TBC1D30: variants seen among roughly 807,000 people sequenced by gnomAD.
TBC1D30 encodes TBC1 domain family member 30, also known as TBC1 domain family, member 30.
TBC1D30 carries 31 observed loss-of-function variants against 63.2 expected under a neutral mutation model. The observed-to-expected ratio is 0.49, with a 90% CI of 0.37 to 0.66. The LOEUF is 0.66. Ranked by LOEUF, TBC1D30 falls within the 30% of genes least tolerant of loss-of-function variation. The pLI is 0.00. For missense variants in TBC1D30, 810 were observed against 953.6 expected (o/e 0.85, Z 1.98); for synonymous variants, 307 against 361.5 (o/e 0.85, Z 1.71).
At position 64,865,334 on chromosome 12, in the gene TBC1D30, A is replaced by T. The variant is rs552199524; in HGVS notation, c.1151+554A>T. On this transcript the variant is annotated intron_variant, in intron 9 of 11. Transcript: ENST00000539867. Reference sequence around the variant, plus strand: ...AAATTAGCATAAGAAAATGTGGAAGAATTCCTTTAGTTCTTTGGAATTGGA... The same window carrying T: ...AAATTAGCATAAGAAAATGTGGAAGTATTCCTTTAGTTCTTTGGAATTGGA... Among the ~76,000 whole-genome samples, 3 of 151,208 alleles carry T rather than the reference A, an allele frequency of 2.0e-5. No homozygotes were observed. The East Asian group carries it at 5.8e-4, about 29-fold the overall frequency.
At chr12:64,795,507 G>C (rs1246921046) in intron 2 of TBC1D30, among the ~76,000 whole-genome samples, 1 of 152,128 alleles carries the variant, frequency 6.6e-6, no homozygotes, top group Non-Finnish European at 1.5e-5. Context: ...CTTCTCAACA[G>C]CCTTCTCCCC....
In TBC1D30 at chr12:64,845,953, C is replaced by T. The variant is rs540033047; in HGVS notation, c.1038+2468C>T. On this transcript the variant is annotated intron_variant, in intron 8 of 11. Coordinates refer to ENST00000539867, the MANE Select transcript of TBC1D30 (RefSeq NM_015279.2). ...TGCTGGGATTATAGGCGTGAGCCAC[C>T]GTGCCTGGCCTTGAGCACCTTTTCA... is the stretch of plus-strand genomic sequence containing the variant. Among the ~76,000 whole-genome samples, 20 of 152,240 alleles carry T rather than the reference C, an allele frequency of 1.3e-4. 1 individual carries two copies. The highest frequency in any genetic ancestry group is 2.9e-4 in the African/African-American group (12 of 41,556).
At chr12:64,763,216 A>G (rs952450790) in intron 1 of TBC1D30, among the ~76,000 whole-genome samples, 4 of 152,204 alleles carry the variant, frequency 2.6e-5, no homozygotes, top group African/African-American at 9.7e-5. Flanking sequence ...TCAGCCTCCC[A>G]AAGTGCTGGG....
At chr12:64,802,471 C>T (rs917074662) in intron 2 of TBC1D30, among the ~76,000 whole-genome samples, 2 of 152,002 alleles carry the variant, frequency 1.3e-5, no homozygotes, top group African/African-American at 2.4e-5. Flanking sequence ...TCTCTGATCC[C>T]CACCAATTTT....
chr12:64,826,881 T>C (rs1327847256), intron 1 of TBC1D30, among the ~76,000 whole-genome samples: 1 of 152,112 alleles, frequency 6.6e-6, no homozygotes, highest in Admixed American at 6.5e-5. Flanking sequence ...ATCAGATACA[T>C]CTCTTTCCAG....
At chr12:64,839,439 C>T (rs919301417) in intron 7 of TBC1D30, among the ~76,000 whole-genome samples, 39 of 152,164 alleles carry the variant, frequency 2.6e-4, no homozygotes, top group African/African-American at 9.2e-4. Flanking sequence ...TTTTCATTCA[C>T]CTTTGATATA....
chr12:64,835,858 G>A (rs1217889285), intron 5 of TBC1D30, among the ~76,000 whole-genome samples: 1 of 152,112 alleles, frequency 6.6e-6, no homozygotes, highest in African/African-American at 2.4e-5. Context: ...TTTAGGAAAG[G>A]TAATACAAGT....
At chr12:64,857,713 G>T (rs1378135677) in intron 8 of TBC1D30, among the ~76,000 whole-genome samples, 3 of 152,214 alleles carry the variant, frequency 2.0e-5, no homozygotes, top group African/African-American at 7.2e-5. Context: ...GGTTTACCTA[G>T]GACCCCAGAG....
chr12:64,845,116 T>C (rs535458758), intron 8 of TBC1D30, among the ~76,000 whole-genome samples: 1 of 152,376 alleles, frequency 6.6e-6, no homozygotes, highest in Admixed American at 6.5e-5. Context: ...TGATTTCCTT[T>C]CTTTTGGGCT....
At position 64,866,914 on chromosome 12, in the gene TBC1D30, G is replaced by A. The variant is rs2136465110; in HGVS notation, c.1291+11G>A. 6.5e-7 allele frequency: 1 copy of A among 1,535,606 alleles called. No homozygotes were observed. The highest frequency in any genetic ancestry group is 1.2e-5 in the South Asian group (1 of 83,964). On this transcript the variant is annotated intron_variant, in intron 10 of 11. Coordinates refer to ENST00000539867, the MANE Select transcript of TBC1D30 (RefSeq NM_015279.2). ...AAAAACAAATTAAAGGTAAAGAGGT[G>A]GCTCTTGATTTAGATTATCATGATG...
At chr12:64,806,713 GAT>G (rs1872894430) in intron 2 of TBC1D30, among the ~76,000 whole-genome samples, 1 of 152,194 alleles carries the variant, frequency 6.6e-6, no homozygotes, top group Admixed American at 6.5e-5. Flanking sequence ...GTCTCAAAGA[GAT>G]ATTTGCACAT....
intron 8 of TBC1D30, among the ~76,000 whole-genome samples, chr12:64,856,202 C>T (rs1877285963): frequency 6.6e-6 from 1 of 152,188 alleles, no homozygotes; most frequent in South Asian, 2.1e-4. Flanking sequence ...TTTTAAACAA[C>T]CAGATCTTAT....
At chr12:64,825,304 TGCTCG>T in intron 1 of TBC1D30, 1 of 413,500 alleles carries the variant, frequency 2.4e-6, no homozygotes, top group South Asian at 5.0e-5. Context: ...GCGGCCTGTG[TGCTCG>T]GCTTTCTCCG....
intron 2 of TBC1D30, among the ~76,000 whole-genome samples, chr12:64,810,081 A>G (rs1332059010): frequency 6.6e-6 from 1 of 151,766 alleles, no homozygotes; most frequent in Non-Finnish European, 1.5e-5. Flanking sequence ...CTCTCCCTCC[A>G]CCCTGCTCCA....
At chr12:64,806,329 G>A (rs1235834347) in intron 2 of TBC1D30, among the ~76,000 whole-genome samples, 1 of 152,208 alleles carries the variant, frequency 6.6e-6, no homozygotes, top group Non-Finnish European at 1.5e-5. Context: ...AAGTGACTGA[G>A]TTTTCCTGGA....
At chr12:64,774,816 GGC>G (rs1387452116) in intron 1 of TBC1D30, among the ~76,000 whole-genome samples, 1 of 152,096 alleles carries the variant, frequency 6.6e-6, no homozygotes, top group Non-Finnish European at 1.5e-5. Flanking sequence ...AAGAAGGCCG[GGC>G]ATGGTGGCTC....
chr12:64,809,287 A>G (rs1311354022), intron 2 of TBC1D30, among the ~76,000 whole-genome samples: 5 of 145,166 alleles, frequency 3.4e-5, no homozygotes, highest in Non-Finnish European at 7.5e-5. Flanking sequence ...AGTCCATTAT[A>G]TCATTCTTTT....
At chr12:64,771,447 G>C (rs1216021045) in intron 1 of TBC1D30, among the ~76,000 whole-genome samples, 1 of 152,004 alleles carries the variant, frequency 6.6e-6, no homozygotes, top group Non-Finnish European at 1.5e-5. Flanking sequence ...TCATTAAGTT[G>C]GTCAGGACCA....
intron 2 of TBC1D30, among the ~76,000 whole-genome samples, chr12:64,809,854 T>G (rs375727787): frequency 6.6e-6 from 1 of 152,234 alleles, no homozygotes; most frequent in Admixed American, 6.5e-5. Context: ...AGATGGTTTA[T>G]TATTAATACC....
Sources: allele counts gnomAD v4.1 joint callset (sites outside exome capture counted in the v4.1 genomes callset), GRCh38; gene constraint gnomAD v4.1.1; transcripts MANE v1.5; gene names NCBI Gene and HGNC (gene_info 2026-07-23, HGNC 2026-07-21).